CALN1: variants seen among roughly 807,000 people sequenced by gnomAD.
The protein encoded by CALN1 is calcium-binding protein 8.
A neutral mutation model predicts 30.6 loss-of-function variants in CALN1; 17 were observed. The observed-to-expected ratio is 0.56, with a 90% CI of 0.38 to 0.83. The LOEUF is 0.83. Ranked by LOEUF, CALN1 falls within the 40% of genes least tolerant of loss-of-function variation. CALN1 has a pLI of 0.00. For synonymous variants in CALN1, 156 were observed against 131.4 expected (o/e 1.19, Z -1.28); for missense variants, 291 against 354.9 (o/e 0.82, Z 1.45).
At chr7:72,477,831 A>T in the CALN1 span, among the ~76,000 whole-genome samples, 1 of 151,960 alleles carries the variant, frequency 6.6e-6, no homozygotes, top group Admixed American at 6.6e-5. Context: ...TTCTCTTTTC[A>T]TTGCCTTGCC....
At chr7:72,243,078 T>G (rs1794942623) in intron 3 of CALN1, among the ~76,000 whole-genome samples, 1 of 152,188 alleles carries the variant, frequency 6.6e-6, no homozygotes, top group Admixed American at 6.5e-5. Flanking sequence ...AGTGAATGCT[T>G]GAAGCCTTAA....
intron 5 of CALN1, among the ~76,000 whole-genome samples, chr7:71,975,093 T>C (rs1047696015): frequency 2.0e-5 from 3 of 152,128 alleles, no homozygotes; most frequent in African/African-American, 7.2e-5. Flanking sequence ...TTTCTTCTCA[T>C]CAGCAAGAAG....
intron 1 of CALN1, among the ~76,000 whole-genome samples, chr7:72,425,359 C>A (rs188215647): frequency 6.7e-4 from 102 of 152,314 alleles, no homozygotes; most frequent in East Asian, 2.5e-3. Flanking sequence ...AGTGATCCAC[C>A]CACCTCAGCC....
At chr7:72,487,895 A>G in the CALN1 span, among the ~76,000 whole-genome samples, 1 of 81,042 alleles carries the variant, frequency 1.2e-5, no homozygotes, top group African/African-American at 6.1e-5. Context: ...AAAAGAAAAG[A>G]AAGAAAGAAA....
At chr7:72,404,494 CA>C in intron 1 of CALN1, among the ~76,000 whole-genome samples, 1 of 152,250 alleles carries the variant, frequency 6.6e-6, no homozygotes, top group Middle Eastern at 3.4e-3. Flanking sequence ...GTGATGAAAC[CA>C]ACAAAGCCCC....
At chr7:72,130,753 C>T (rs1489259753) in intron 3 of CALN1, among the ~76,000 whole-genome samples, 1 of 152,144 alleles carries the variant, frequency 6.6e-6, no homozygotes, top group African/African-American at 2.4e-5. Flanking sequence ...TATCTATCCA[C>T]ACAAGTAAAA....
At chr7:72,191,552 CAAAAAAA>C (rs55780039) in intron 3 of CALN1, among the ~76,000 whole-genome samples, 6 of 72,490 alleles carry the variant, frequency 8.3e-5, no homozygotes, top group South Asian at 9.6e-4. Context: ...GACTCCGTCT[CAAAAAAA>C]AAAAAAAAAA....
intron 2 of CALN1, among the ~76,000 whole-genome samples, chr7:72,354,724 T>A (rs1174604375): frequency 2.6e-5 from 4 of 152,300 alleles, no homozygotes; most frequent in Admixed American, 2.0e-4. Context: ...CCAGTTCTGC[T>A]GGAATAACTG....
intron 3 of CALN1, among the ~76,000 whole-genome samples, chr7:72,197,469 G>A (rs1343757582): frequency 1.3e-5 from 2 of 151,996 alleles, no homozygotes; most frequent in Non-Finnish European, 2.9e-5. Flanking sequence ...CAAAGCGCTG[G>A]GATTACAGGC....
intron 5 of CALN1, among the ~76,000 whole-genome samples, chr7:71,967,643 G>GAAAGA (rs1554399062): frequency 1.1e-4 from 15 of 137,134 alleles, no homozygotes; most frequent in South Asian, 2.3e-4. Context: ...AAAAAAAAAA[G>GAAAGA]AAAGAAAAGA....
At position 71,818,672 on chromosome 7, in the gene CALN1, TTTTATTTATTTATTTA is replaced by T. The variant is rs72244772; in HGVS notation, c.502-8196_502-8181del. ...GGCACTTGCCACCATGACCAGCTTA[TTTTATTTATTTATTTA>T]TTTATTTATTTATTTATTTATTTAT... On this transcript the variant is annotated intron_variant, in intron 5 of 6. Coordinates refer to ENST00000395275, the MANE Select transcript of CALN1 (RefSeq NM_031468.4). Among the ~76,000 whole-genome samples the T allele has an allele frequency of 5.7e-3, 745 of 131,126 alleles. 5 individuals carry two copies. Among genetic ancestry groups the T allele is most frequent in the South Asian group, 0.016 (61 of 3,828 alleles). 86.0% of individuals were successfully genotyped at this position (131,126 alleles called of 152,430 possible). A position where few individuals can be genotyped will look rare whatever the true frequency, so the allele number is the denominator to read the frequency against.
chr7:72,028,974 G>GA (rs1291801583), intron 4 of CALN1, among the ~76,000 whole-genome samples: 1 of 152,088 alleles, frequency 6.6e-6, no homozygotes, highest in East Asian at 1.9e-4. Context: ...CTGGGTGAAA[G>GA]AGCAAGACTC....
In CALN1 at chr7:71,889,398, C is replaced by CA. The variant is rs200217221; in HGVS notation, c.502-78907dup. Among the ~76,000 whole-genome samples, 512 of 149,778 alleles carry CA rather than the reference C, an allele frequency of 3.4e-3. 2 individuals are homozygous for CA. The highest frequency in any genetic ancestry group is 3.9e-3 in the Non-Finnish European group (260 of 67,372). On this transcript the variant is annotated intron_variant, in intron 5 of 6. Coordinates refer to ENST00000395275, the MANE Select transcript of CALN1 (RefSeq NM_031468.4). ...GCAAGGTAAAAACTTGACGTTGGGG[C>CA]AAAAAAAAATCACTCTATAGTGTAA...
At chr7:72,366,043 G>A (rs1017035899) in intron 2 of CALN1, among the ~76,000 whole-genome samples, 5 of 152,042 alleles carry the variant, frequency 3.3e-5, no homozygotes, top group African/African-American at 1.2e-4. Context: ...TAAGGATGTG[G>A]AATAAAGCAT....
chr7:72,230,491 G>C (rs1328214063), intron 3 of CALN1, among the ~76,000 whole-genome samples: 2 of 150,992 alleles, frequency 1.3e-5, no homozygotes, highest in South Asian at 2.1e-4. Flanking sequence ...CTGGGCAAAA[G>C]AGTGAGGCCC....
chr7:71,934,564 T>C (rs1008595170), intron 5 of CALN1, among the ~76,000 whole-genome samples: 1 of 152,168 alleles, frequency 6.6e-6, no homozygotes, highest in Non-Finnish European at 1.5e-5. Context: ...TGCCAGGCTC[T>C]TTTTAAGCAA....
chr7:71,824,052 G>A (rs1422787064), intron 5 of CALN1, among the ~76,000 whole-genome samples: 1 of 152,064 alleles, frequency 6.6e-6, no homozygotes, highest in East Asian at 1.9e-4. Context: ...AATTCAAGAT[G>A]AGATTTGGGT....
rs886415782 is a variant in CALN1, at chr7:72,229,043, G to T, written c.244+49643C>A. 7.3e-5 allele frequency among the ~76,000 whole-genome samples: 11 copies of T among 151,444 alleles called. 1 individual carries two copies. Among genetic ancestry groups the T allele is most frequent in the Non-Finnish European group, 1.2e-4 (8 of 67,886 alleles). On this transcript the variant is annotated intron_variant, in intron 3 of 6. Coordinates refer to ENST00000395275, the MANE Select transcript of CALN1 (RefSeq NM_031468.4). ...TCCTCCTGAAGTGCTAGAATTACAG[G>T]TATGGGCCACCACACCCAGCCCATT... is the stretch of plus-strand genomic sequence containing the variant.
intron 5 of CALN1, among the ~76,000 whole-genome samples, chr7:72,004,292 C>T (rs989152117): frequency 3.3e-5 from 5 of 152,062 alleles, no homozygotes; most frequent in Admixed American, 6.6e-5. Flanking sequence ...AAAGGACAGC[C>T]CTTTCAACAA....
Sources: allele counts gnomAD v4.1 joint callset (sites outside exome capture counted in the v4.1 genomes callset), GRCh38; gene constraint gnomAD v4.1.1; transcripts MANE v1.5; gene names NCBI Gene and HGNC (gene_info 2026-07-23, HGNC 2026-07-21).